The following PDE8B variants were observed in gnomAD, a reference collection of about 807,000 sequenced individuals.
PDE8B encodes the protein high affinity cAMP-specific and IBMX-insensitive 3',5'-cyclic phosphodiesterase 8B.
A neutral mutation model predicts 101.3 loss-of-function variants in PDE8B; 26 were observed. The observed-to-expected ratio is 0.26, with a 90% confidence interval of 0.19 to 0.36. PDE8B has a LOEUF of 0.36. Among genes scored for constraint, PDE8B ranks in the 10% least tolerant of loss-of-function variants. The pLI is 1.00. For missense variants in PDE8B, 810 were observed against 1,163.1 expected, an observed-to-expected ratio of 0.70 and a Z score of 4.42; for synonymous variants, 424 against 429.3, an observed-to-expected ratio of 0.99 and a Z score of 0.15.
At chr5:77,243,837 G>GT (rs1756304397) in intron 1 of PDE8B, among the ~76,000 whole-genome samples, 1 of 152,166 alleles carries the variant, frequency 6.6e-6, no homozygotes, top group Non-Finnish European at 1.5e-5. Flanking sequence ...GTGGATGTGT[G>GT]TTTTTGTTAT....
chr5:77,350,948 A>G, intron 8 of PDE8B, 117 bp from the exon 9 acceptor site: 1 of 776,826 alleles, frequency 1.3e-6, no homozygotes, highest in South Asian at 1.4e-5. Context: ...TACAGCAGGC[A>G]TTGGGAAATG....
chr5:77,263,632 G>A (rs934069186), intron 1 of PDE8B, among the ~76,000 whole-genome samples: 6 of 152,134 alleles, frequency 3.9e-5, no homozygotes, highest in Admixed American at 2.6e-4. Context: ...GGTTAAAGAC[G>A]TCTTATCAGG....
At chr5:77,222,405 C>A (rs920728582) in intron 1 of PDE8B, among the ~76,000 whole-genome samples, 1 of 152,232 alleles carries the variant, frequency 6.6e-6, no homozygotes, top group South Asian at 2.1e-4. Context: ...GGGTGGATCA[C>A]GAGGTCAGGA....
intron 2 of PDE8B, among the ~76,000 whole-genome samples, chr5:77,314,987 G>A (rs975590540): frequency 7.2e-5 from 11 of 151,946 alleles, no homozygotes; most frequent in Non-Finnish European, 1.2e-4. Flanking sequence ...TTTGTGAAGC[G>A]TTTGGTCAAG....
At chr5:77,099,369 G>A in the PDE8B span, among the ~76,000 whole-genome samples, 1 of 152,216 alleles carries the variant, frequency 6.6e-6, no homozygotes, top group Admixed American at 6.5e-5. Context: ...CTGTAGGCCA[G>A]AACTGAGATA....
At chr5:77,381,166 T>A (rs13164603) in intron 10 of PDE8B, among the ~76,000 whole-genome samples, 127,494 of 152,214 alleles carry the variant, frequency 0.84, 53,804 homozygotes, top group African/African-American at 0.94. Context: ...ACCAACGGGA[T>A]GTGGGAGTTT....
the PDE8B span, chr5:77,147,367 C>T: frequency 6.3e-6 from 1 of 159,568 alleles, no homozygotes; most frequent in African/African-American, 2.4e-5. Flanking sequence ...TGGGCACTAA[C>T]CTTGCCTGAT....
chr5:77,404,786 G>A lies in PDE8B; in HGVS notation c.1277G>A (p.Arg426Gln), dbSNP rs868204711. 5.7e-6 allele frequency: 9 copies of A among 1,591,372 alleles called. No individual in the cohort carries two copies. The highest frequency in any genetic ancestry group is 1.1e-5 in the South Asian group (1 of 90,606). ...ATTGACGTGAAATCGATATCATCTC[G>A]AGGCAGTGATGGTAAGATGTTTTTC... ...ESIDVKSISS[R>Q]GSDAPSLQNR... The change falls in exon 12 of 22, where the codon CGA becomes CAA. Residue 426 changes from arginine (R) to glutamine (Q), a missense_variant. Physicochemically the swap from Arg to Gln is conservative, Grantham distance 43 (BLOSUM62 1). Around this residue, in one of 4 missense-constraint regions of PDE8B, gnomAD observed 75 missense variants for 76.9 expected, o/e 0.98. Coordinates refer to ENST00000264917, the MANE Select transcript of PDE8B (RefSeq NM_003719.5).
the PDE8B span, among the ~76,000 whole-genome samples, chr5:77,196,612 T>C: frequency 6.6e-6 from 1 of 152,208 alleles, no homozygotes; most frequent in South Asian, 2.1e-4. Context: ...AAGATTTTTG[T>C]GTCTATGTTT....
the PDE8B span, among the ~76,000 whole-genome samples, chr5:77,117,317 G>A: frequency 6.6e-5 from 10 of 151,948 alleles, no homozygotes; most frequent in Admixed American, 2.0e-4. Flanking sequence ...TTTTTCAATC[G>A]GAGAGAAGAA....
chr5:77,309,067 C>T (rs536459315), intron 1 of PDE8B, among the ~76,000 whole-genome samples: 1 of 151,934 alleles, frequency 6.6e-6, no homozygotes, highest in East Asian at 1.9e-4. Flanking sequence ...TAATCCCAGC[C>T]ACTTGGGAGG....
chr5:77,285,841 CT>C, intron 1 of PDE8B, among the ~76,000 whole-genome samples: 2 of 152,214 alleles, frequency 1.3e-5, no homozygotes, highest in South Asian at 4.1e-4. Flanking sequence ...TGTTCAGAGA[CT>C]TTTTCCTCCC....
At chr5:77,398,032 C>G (rs1305255483) in intron 10 of PDE8B, among the ~76,000 whole-genome samples, 1 of 151,988 alleles carries the variant, frequency 6.6e-6, no homozygotes, top group East Asian at 1.9e-4. Flanking sequence ...AGAGATTCTT[C>G]CCTAAAAGAG....
Position 77,290,508 on chromosome 5 carries a change from A to G in PDE8B, c.340-21486A>G, listed in dbSNP as rs937042294. 13 of 1,468,712 alleles carry G rather than the reference A, an allele frequency of 8.9e-6. No individual in the cohort carries two copies. In the African/African-American group the frequency reaches 1.7e-4, roughly 19 times the overall value. The allele number at this position is 1,468,712 out of a possible 1,614,324, so 91.0% of individuals were successfully genotyped here. On this transcript the variant is annotated intron_variant, in intron 1 of 21. Transcript: ENST00000264917. ...AATCTGGGCAGATATTCCTGCTCCA[A>G]AACGAGGAGAAATAGTAAGACAGAT...
chr5:77,194,619 C>T, the PDE8B span, among the ~76,000 whole-genome samples: 1 of 152,144 alleles, frequency 6.6e-6, no homozygotes, highest in Middle Eastern at 3.2e-3. Flanking sequence ...TTTACATTCC[C>T]CAGCCCCTGG....
the PDE8B span, chr5:77,146,873 C>T: frequency 2.8e-6 from 1 of 354,500 alleles, no homozygotes; most frequent in African/African-American, 2.2e-5. Flanking sequence ...CATTCTTTGG[C>T]TGTTTTCTTG....
the PDE8B span, among the ~76,000 whole-genome samples, chr5:77,152,647 A>G: frequency 6.6e-6 from 1 of 152,334 alleles, no homozygotes; most frequent in South Asian, 2.1e-4. Flanking sequence ...AAGCTCATTT[A>G]GAGGAATGCA....
At chr5:77,159,277 G>T in the PDE8B span, among the ~76,000 whole-genome samples, 1 of 152,204 alleles carries the variant, frequency 6.6e-6, no homozygotes, top group Admixed American at 6.5e-5. Context: ...GTCTGTGAGG[G>T]TGTTGCCAAA....
chr5:77,209,133 T>G (rs1204598872), upstream of PDE8B, among the ~76,000 whole-genome samples: 1 of 152,122 alleles, frequency 6.6e-6, no homozygotes, highest in Non-Finnish European at 1.5e-5. Flanking sequence ...CATTAAAAAA[T>G]ACAGCATAGA....
Sources: gnomAD v4.1 joint callset for allele counts (sites outside exome capture counted in the v4.1 genomes callset) on GRCh38, gnomAD v4.1.1 for gene constraint, gnomAD v4.1.1 regional missense constraint, MANE v1.5 for transcripts, NCBI Gene and HGNC (gene_info 2026-07-23, HGNC 2026-07-21) for gene names.